Variants in SLCO1B1 observed in about 807,000 individuals in gnomAD.
SLCO1B1 encodes the protein solute carrier organic anion transporter family member 1B1.
In SLCO1B1, 81 loss-of-function variants were observed where a neutral mutation model predicts 70.1. That is an observed-to-expected ratio of 1.16 (90% CI 0.97 to 1.39). The LOEUF (loss-of-function observed/expected upper bound fraction) is 1.39, where lower values mean the gene tolerates loss of function less well. Among genes scored for constraint, SLCO1B1 ranks in the 40% most tolerant of loss-of-function variants. The pLI is 0.00. For missense variants in SLCO1B1, 895 were observed against 799.6 expected, an observed-to-expected ratio of 1.12 and a Z score of -1.44; for synonymous variants, 283 against 271.5, an observed-to-expected ratio of 1.04 and a Z score of -0.42.
intron 2 of SLCO1B1, among the ~76,000 whole-genome samples, chr12:21,148,321 CTAGGGTTT>C (rs1940416039): frequency 2.6e-5 from 4 of 152,062 alleles, no homozygotes; most frequent in Admixed American, 2.0e-4. Context: ...AGGTTTTGTT[CTAGGGTTT>C]TTATGGTGTT....
At chr12:21,229,924 C>T (rs1438417177) in intron 14 of SLCO1B1, among the ~76,000 whole-genome samples, 6 of 152,044 alleles carry the variant, frequency 3.9e-5, no homozygotes, top group Non-Finnish European at 7.4e-5. Context: ...TGAGAGGGGA[C>T]GTTTTTGACT....
intron 11 of SLCO1B1, among the ~76,000 whole-genome samples, chr12:21,214,550 C>G (rs1386254198): frequency 6.6e-6 from 1 of 151,050 alleles, no homozygotes; most frequent in Non-Finnish European, 1.5e-5. Context: ...GTGGAGCCTA[C>G]AGAGGCAGGC....
chr12:21,178,561 C>G lies in SLCO1B1; in HGVS notation c.482-15C>G, dbSNP rs1940849816. On this transcript the variant is annotated splice_polypyrimidine_tract_variant and intron_variant, in intron 5 of 14. Coordinates refer to ENST00000256958, the MANE Select transcript of SLCO1B1 (RefSeq NM_006446.5). ...AAATTAATGTTTAAAATGAAACACT[C>G]TCTTATCTACATAGGTTGTTTAAAG... 2 of 1,573,014 alleles carry G rather than the reference C, an allele frequency of 1.3e-6. No homozygotes were observed. The highest frequency in any genetic ancestry group is 1.7e-6 in the Non-Finnish European group (2 of 1,143,906).
intron 7 of SLCO1B1, among the ~76,000 whole-genome samples, chr12:21,192,706 A>G (rs1941045105): frequency 6.6e-6 from 1 of 151,820 alleles, no homozygotes; most frequent in Non-Finnish European, 1.5e-5. Context: ...TTTACTTTTT[A>G]CTAGCATAAT....
intron 3 of SLCO1B1, among the ~76,000 whole-genome samples, chr12:21,173,807 C>T (rs1391184380): frequency 8.4e-5 from 12 of 143,686 alleles, no homozygotes; most frequent in Non-Finnish European, 1.8e-4. Flanking sequence ...GAGTCTCGCT[C>T]TGTCGCCCAG....
At chr12:21,233,023 C>T (rs1941557640) in intron 14 of SLCO1B1, among the ~76,000 whole-genome samples, 1 of 152,180 alleles carries the variant, frequency 6.6e-6, no homozygotes, top group Non-Finnish European at 1.5e-5. Context: ...TTAACATTTT[C>T]CACCCCAGCC....
chr12:21,235,587 G>A (rs1160812979), intron 14 of SLCO1B1, among the ~76,000 whole-genome samples: 1 of 151,392 alleles, frequency 6.6e-6, no homozygotes, highest in African/African-American at 2.4e-5. Context: ...CTCTCATACT[G>A]TTGTTAGCTA....
chr12:21,177,229 C>A (rs1163464991), intron 5 of SLCO1B1, among the ~76,000 whole-genome samples: 1 of 151,948 alleles, frequency 6.6e-6, no homozygotes, highest in Non-Finnish European at 1.5e-5. Context: ...ACACAGGCAG[C>A]CCTGTAACAA....
In SLCO1B1 at chr12:21,155,531, C is replaced by G. The variant is rs901473767; in HGVS notation, c.84+13873C>G. 5.3e-5 allele frequency among the ~76,000 whole-genome samples: 8 copies of G among 152,068 alleles called. No homozygotes were observed. The East Asian group carries it at 1.5e-3, about 29-fold the overall frequency. Reference sequence around the variant, plus strand: ...TTCAAACCAGTTTACTTTTTTCTTTCTCTTTTGAAATGTTTTCTCAAAGAC... The same window carrying G: ...TTCAAACCAGTTTACTTTTTTCTTTGTCTTTTGAAATGTTTTCTCAAAGAC... On this transcript the variant is annotated intron_variant, in intron 2 of 14. Coordinates refer to ENST00000256958, the MANE Select transcript of SLCO1B1 (RefSeq NM_006446.5).
At position 21,238,915 on chromosome 12, in the gene SLCO1B1, A is replaced by G. The variant is rs71581984; in HGVS notation, c.1866-64A>G. 7.0e-3 allele frequency: 6,907 copies of G among 982,392 alleles called. 36 individuals carry two copies. Among genetic ancestry groups the G allele is most frequent in the Non-Finnish European group, 9.3e-3 (5,956 of 639,282 alleles). 60.9% of individuals were successfully genotyped at this position (982,392 alleles called of 1,614,324 possible). A position where few individuals can be genotyped will look rare whatever the true frequency, so the allele number is the denominator to read the frequency against. On this transcript the variant is annotated intron_variant, in intron 14 of 14. Transcript: ENST00000256958. ...TCTTTAGGATCTGGATACTGGAGAA[A>G]ATGTTTTAAGTTATTACACACAATT...
chr12:21,152,962 C>T (rs1251991664), intron 2 of SLCO1B1, among the ~76,000 whole-genome samples: 1 of 152,168 alleles, frequency 6.6e-6, no homozygotes, highest in Non-Finnish European at 1.5e-5. Context: ...AGTGCTCAGA[C>T]TTAACCACAC....
chr12:21,220,126 A>G (rs1244838670), intron 12 of SLCO1B1, among the ~76,000 whole-genome samples: 1 of 152,198 alleles, frequency 6.6e-6, no homozygotes, highest in East Asian at 1.9e-4. Context: ...CATGTGAGAA[A>G]GATAATTTAA....
Position 21,172,692 on chromosome 12 carries a change from C to A in SLCO1B1, c.127C>A (p.Leu43Ile), listed in dbSNP as rs746610546. The A allele has an allele frequency of 2.5e-6, 4 of 1,613,738 alleles. No homozygotes were observed. The Admixed American group carries it at 5.0e-5, about 20-fold the overall frequency. Residue 43 changes from leucine to isoleucine, a missense_variant, in exon 3 of 15, where the codon CTA becomes ATA. Coordinates refer to ENST00000256958, the MANE Select transcript of SLCO1B1 (RefSeq NM_006446.5). The stretch of plus-strand genomic sequence containing the variant: ...GTCACTCAGCTTTATTGCTAAGACA[C>A]TAGGTGCAATTATTATGAAAAGTTC... Reference protein sequence around the residue: ...ALSLSFIAKTLGAIIMKSSII... With the variant: ...ALSLSFIAKTIGAIIMKSSII...
chr12:21,218,220 C>T (rs1941383164), intron 12 of SLCO1B1, among the ~76,000 whole-genome samples: 1 of 152,094 alleles, frequency 6.6e-6, no homozygotes, highest in Admixed American at 6.5e-5. Context: ...TTGAAACATA[C>T]TGAATGAGAG....
At chr12:21,165,490 G>C (rs1179651792) in intron 2 of SLCO1B1, among the ~76,000 whole-genome samples, 1 of 152,004 alleles carries the variant, frequency 6.6e-6, no homozygotes, top group African/African-American at 2.4e-5. Context: ...CCCAAGCTTA[G>C]AACAAGGCAA....
chr12:21,231,867 A>C (rs560497766), intron 14 of SLCO1B1, among the ~76,000 whole-genome samples: 24 of 152,178 alleles, frequency 1.6e-4, no homozygotes, highest in African/African-American at 5.8e-4. Context: ...AAAATCCTTT[A>C]TATCTCTTAT....
intron 2 of SLCO1B1, among the ~76,000 whole-genome samples, chr12:21,154,525 C>T (rs183697496): frequency 6.6e-6 from 1 of 152,182 alleles, no homozygotes; most frequent in Admixed American, 6.5e-5. Context: ...TACAGCACCC[C>T]AAACAGACTG....
chr12:21,153,624 A>C (rs767368100), intron 2 of SLCO1B1, among the ~76,000 whole-genome samples: 1 of 152,098 alleles, frequency 6.6e-6, no homozygotes, highest in African/African-American at 2.4e-5. Context: ...TGTGTTATTC[A>C]GATCTTCTAT....
At chr12:21,207,292 A>C (rs1219812297) in intron 11 of SLCO1B1, among the ~76,000 whole-genome samples, 1 of 151,832 alleles carries the variant, frequency 6.6e-6, no homozygotes, top group Non-Finnish European at 1.5e-5. Flanking sequence ...GCTGTTTTTT[A>C]TCTCTCCACT....
Sources: gnomAD v4.1 joint callset for allele counts (sites outside exome capture counted in the v4.1 genomes callset) on GRCh38, gnomAD v4.1.1 for gene constraint, MANE v1.5 for transcripts, NCBI Gene and HGNC (gene_info 2026-07-23, HGNC 2026-07-21) for gene names.